The following C13orf42 variants were observed in gnomAD, a reference collection of about 807,000 sequenced individuals.
C13orf42 encodes uncharacterized protein C13orf42.
intron 1 of C13orf42, among the ~76,000 whole-genome samples, chr13:51,132,508 C>T (rs1377704931): frequency 6.6e-6 from 1 of 152,052 alleles, no homozygotes; most frequent in Non-Finnish European, 1.5e-5. Flanking sequence ...CTGGATATCA[C>T]CTTTTGTTGG....
chr13:51,172,090 A>C (rs1318072519), intron 1 of C13orf42: 1 of 152,104 alleles, frequency 6.6e-6, no homozygotes. Flanking sequence ...AAACGCCTGA[A>C]CCGCAGCGGC....
chr13:51,123,458 A>C (rs1953552080), intron 1 of C13orf42, among the ~76,000 whole-genome samples: 1 of 152,218 alleles, frequency 6.6e-6, no homozygotes. Context: ...TTTGTGGACC[A>C]AAGCAAGTCA....
chr13:51,169,596 T>C (rs58791839), intron 1 of C13orf42, among the ~76,000 whole-genome samples: 7,343 of 152,282 alleles, frequency 0.048, 600 homozygotes, highest in African/African-American at 0.17. Flanking sequence ...AAGAATAGTT[T>C]TGTGGGCCAG....
chr13:51,123,771 ATAAC>A (rs939887992), intron 1 of C13orf42, among the ~76,000 whole-genome samples: 1 of 152,226 alleles, frequency 6.6e-6, no homozygotes, highest in Admixed American at 6.5e-5. Flanking sequence ...TTGCAAAACT[ATAAC>A]TGAGAAAATT....
intron 1 of C13orf42, among the ~76,000 whole-genome samples, chr13:51,135,353 C>T (rs1030060669): frequency 6.6e-6 from 1 of 152,144 alleles, no homozygotes; most frequent in Non-Finnish European, 1.5e-5. Flanking sequence ...AATTCCTCAC[C>T]CCCTTGGCAG....
In C13orf42 at chr13:51,153,621, G is replaced by GTTTTTTTTTTTTTTTTTTT. The variant is rs1202370498; in HGVS notation, n.136+18631_136+18632insAAAAAAAAAAAAAAAAAAA. 6.3e-4 allele frequency among the ~76,000 whole-genome samples: 52 copies of GTTTTTTTTTTTTTTTTTTT among 82,018 alleles called. 1 individual carries two copies. The highest frequency in any genetic ancestry group is 8.6e-4 in the Non-Finnish European group (33 of 38,220). The allele number at this position is 82,018 out of a possible 152,430, so 53.8% of individuals were successfully genotyped here. On this transcript the variant is annotated intron_variant and non_coding_transcript_variant, in intron 1 of 4. Coordinates refer to the C13orf42 transcript ENST00000433280. ...TTATCAACCCATTTTCTTGCTTTCT[G>GTTTTTTTTTTTTTTTTTTT]TTTTTTTTCTTTTTTTTTTTTTTTT...
At chr13:51,122,741 C>T (rs1433374475) in intron 1 of C13orf42, among the ~76,000 whole-genome samples, 3 of 152,152 alleles carry the variant, frequency 2.0e-5, no homozygotes, top group Non-Finnish European at 2.9e-5. Context: ...TAACCTGTGA[C>T]CAGTCTTAAA....
intron 3 of C13orf42, 36 bp from the exon 4 acceptor site, chr13:51,084,361 G>A (rs760490175): frequency 6.3e-5 from 25 of 398,648 alleles, no homozygotes; most frequent in South Asian, 1.3e-4. Context: ...GTTTAAGTTC[G>A]GCTTGGCCGG....
intron 1 of C13orf42, among the ~76,000 whole-genome samples, chr13:51,143,320 C>G (rs4942957): frequency 0.13 from 19,766 of 152,038 alleles, 1,408 homozygotes; most frequent in African/African-American, 0.18. Flanking sequence ...TGTAAGGGCC[C>G]ATTTTGAAAG....
chr13:51,171,526 C>T (rs1566145690), intron 1 of C13orf42, among the ~76,000 whole-genome samples: 1 of 152,052 alleles, frequency 6.6e-6, no homozygotes. Flanking sequence ...CCCATCTGAC[C>T]TCTCCCTTCC....
intron 1 of C13orf42, among the ~76,000 whole-genome samples, chr13:51,091,870 C>T (rs1262743307): frequency 1.3e-5 from 2 of 152,086 alleles, no homozygotes; most frequent in Admixed American, 6.5e-5. Flanking sequence ...CACAAGGGGA[C>T]AGGATACAGG....
chr13:51,121,552 T>TTC (rs1953536007), intron 1 of C13orf42, among the ~76,000 whole-genome samples: 1 of 151,546 alleles, frequency 6.6e-6, no homozygotes, highest in African/African-American at 2.4e-5. Flanking sequence ...TTTTTTTTTT[T>TTC]TGAGACAGAG....
intron 1 of C13orf42, among the ~76,000 whole-genome samples, chr13:51,165,536 A>C (rs992303144): frequency 7.1e-5 from 10 of 141,786 alleles, no homozygotes; most frequent in Non-Finnish European, 1.1e-4. Context: ...GGAGCAAGTA[A>C]AGGAGAACAA....
chr13:51,168,329 G>A (rs1048029023), intron 1 of C13orf42, among the ~76,000 whole-genome samples: 1 of 152,188 alleles, frequency 6.6e-6, no homozygotes, highest in African/African-American at 2.4e-5. Flanking sequence ...GCCAGAGATT[G>A]CTAGCTATCT....
At chr13:51,141,094 AGGTG>A (rs1953692052) in intron 1 of C13orf42, among the ~76,000 whole-genome samples, 1 of 64,052 alleles carries the variant, frequency 1.6e-5, no homozygotes, top group African/African-American at 6.0e-5. Context: ...CATCGAAGGG[AGGTG>A]TGTGTGTGTG....
intron 1 of C13orf42, among the ~76,000 whole-genome samples, chr13:51,095,996 T>C (rs1485612758): frequency 6.6e-6 from 1 of 152,230 alleles, no homozygotes. Context: ...AAATGGTCTT[T>C]CCTTTGGCTA....
rs1418143334 is a variant in C13orf42 at position 51,158,759 on chromosome 13, T to C, written n.136+13494A>G. ...AACAACTACTATTGATTTCTGGGGG[T>C]TTTCCACCCCACTGGTTGTTTAACT... On this transcript the variant is annotated intron_variant and non_coding_transcript_variant, in intron 1 of 4. Coordinates refer to the C13orf42 transcript ENST00000433280. 9.2e-5 allele frequency among the ~76,000 whole-genome samples: 14 copies of C among 152,186 alleles called. No homozygotes were observed. In the South Asian group the frequency reaches 1.2e-3, roughly 14 times the overall value.
intron 1 of C13orf42, among the ~76,000 whole-genome samples, chr13:51,098,521 G>A (rs996486245): frequency 2.0e-5 from 3 of 151,930 alleles, no homozygotes; most frequent in East Asian, 1.9e-4. Context: ...CATCCACATC[G>A]CACACTGTAT....
In C13orf42 at chr13:51,107,804, G is replaced by C. The variant is rs6561613; in HGVS notation, c.414+2992C>G. 2.4e-4 allele frequency among the ~76,000 whole-genome samples: 37 copies of C among 152,310 alleles called. No individual in the cohort carries two copies. The East Asian group carries it at 4.2e-3, about 17-fold the overall frequency. On this transcript the variant is annotated intron_variant, in intron 1 of 3. Transcript: ENST00000563710. ...TCACCAAGTTCACTGCAGTCCACCA[G>C]GGGAGACGCACATTTTAACAAACCA...
Sources: gnomAD v4.1 joint callset for allele counts (sites outside exome capture counted in the v4.1 genomes callset) on GRCh38, gnomAD v4.1.1 for gene constraint, MANE v1.5 for transcripts, NCBI Gene and HGNC (gene_info 2026-07-23, HGNC 2026-07-21) for gene names.